Variants in NALCN observed in about 807,000 individuals in gnomAD.
The protein encoded by NALCN is sodium leak channel, non-selective.
A neutral mutation model predicts 225.3 loss-of-function variants in NALCN; 111 were observed. That is an observed-to-expected ratio of 0.49 (90% CI 0.42 to 0.58). The LOEUF is 0.58. Ranked by LOEUF, NALCN falls within the 20% of genes least tolerant of loss-of-function variation. NALCN has a pLI of 0.00. For synonymous variants in NALCN, 764 were observed against 769.0 expected, an observed-to-expected ratio of 0.99 and a Z score of 0.11; for missense variants, 1,378 against 2,202.4, an observed-to-expected ratio of 0.63 and a Z score of 7.49.
chr13:101,344,201 G>T (rs1187551570), intron 7 of NALCN, among the ~76,000 whole-genome samples: 2 of 152,138 alleles, frequency 1.3e-5, no homozygotes, highest in Admixed American at 6.6e-5. Flanking sequence ...CAGAGGGAAG[G>T]ATTTAAGACT....
At chr13:101,279,969 C>T (rs1371436351) in intron 10 of NALCN, among the ~76,000 whole-genome samples, 2 of 151,894 alleles carry the variant, frequency 1.3e-5, no homozygotes, top group African/African-American at 4.8e-5. Flanking sequence ...GAAAGTTTTC[C>T]TGTTACCCAG....
rs1566758711 is a variant in NALCN at position 101,053,817 on chromosome 13, A to AAAAGT, written c.*1473_*1477dup. 6.6e-6 allele frequency: 1 copy of AAAAGT among 152,180 alleles called. No homozygotes were observed. The highest frequency in any genetic ancestry group is 1.5e-5 in the Non-Finnish European group (1 of 68,030). The allele number at this position is 152,180 out of a possible 1,614,324, so 9.4% of individuals were successfully genotyped here. A position where few individuals can be genotyped will look rare whatever the true frequency, so the allele number is the denominator to read the frequency against. On this transcript the variant is annotated 3_prime_UTR_variant, in exon 44 of 44. Transcript: ENST00000251127. ...ATATTTATTTTATCTTGTATGTACA[A>AAAAGT]AAAGTAAACTCCAAGTGAACATCAA...
At chr13:101,414,649 A>G (rs770510575) in intron 1 of NALCN, among the ~76,000 whole-genome samples, 1 of 152,226 alleles carries the variant, frequency 6.6e-6, no homozygotes, top group Non-Finnish European at 1.5e-5. Flanking sequence ...CAACTAAATG[A>G]CACTATTTTG....
rs773945071 is a variant in NALCN at position 101,095,560 on chromosome 13, T to A, written c.3269+14A>T. Reference sequence around the variant, plus strand: ...CACACCATTCTTCAGAATATTTTTTTATGATATACTTACCAAACACGGGGC... The same window carrying A: ...CACACCATTCTTCAGAATATTTTTTAATGATATACTTACCAAACACGGGGC... On this transcript the variant is annotated intron_variant, in intron 28 of 43. Coordinates refer to ENST00000251127, the MANE Select transcript of NALCN (RefSeq NM_052867.4). 1 of 1,592,024 alleles carries A rather than the reference T, an allele frequency of 6.3e-7. No homozygotes were observed. Among genetic ancestry groups the A allele is most frequent in the Non-Finnish European group, 8.6e-7 (1 of 1,164,508 alleles).
At chr13:101,071,431 G>T (rs1299645662) in intron 37 of NALCN, among the ~76,000 whole-genome samples, 1 of 152,158 alleles carries the variant, frequency 6.6e-6, no homozygotes, top group Non-Finnish European at 1.5e-5. Context: ...TAGATAACTT[G>T]CCACAGCTTT....
intron 7 of NALCN, among the ~76,000 whole-genome samples, chr13:101,318,254 T>G (rs1480201066): frequency 1.3e-5 from 2 of 151,862 alleles, no homozygotes; most frequent in African/African-American, 4.8e-5. Flanking sequence ...TTGAGCCAGG[T>G]GGGGAGCAGT....
chr13:101,105,827 C>A (rs578006969), intron 22 of NALCN, among the ~76,000 whole-genome samples: 66 of 152,236 alleles, frequency 4.3e-4, no homozygotes, highest in African/African-American at 1.5e-3. Context: ...GGTCCCTGAG[C>A]AAAGCCCTCA....
intron 28 of NALCN, among the ~76,000 whole-genome samples, chr13:101,091,695 CCA>C (rs1295978171): frequency 6.6e-6 from 1 of 152,124 alleles, no homozygotes. Context: ...TCTACAGATG[CCA>C]CAGTTTGCTT....
intron 7 of NALCN, among the ~76,000 whole-genome samples, chr13:101,321,854 C>A (rs1022201942): frequency 6.6e-6 from 1 of 151,984 alleles, no homozygotes; most frequent in Non-Finnish European, 1.5e-5. Context: ...CTTGGAGATA[C>A]CGGAGAGAGG....
intron 39 of NALCN, among the ~76,000 whole-genome samples, 186 bp downstream of exon 39, chr13:101,067,732 G>A (rs1223365354): frequency 6.6e-6 from 1 of 152,214 alleles, no homozygotes; most frequent in East Asian, 1.9e-4. Context: ...TGAAGATCAT[G>A]TAAGGAGGAA....
rs2037269103 is a variant in NALCN, at chr13:101,144,905, A to G, written c.1840-9T>C. 6.3e-7 allele frequency: 1 copy of G among 1,597,038 alleles called. No homozygotes were observed. Among genetic ancestry groups the G allele is most frequent in the Non-Finnish European group, 8.5e-7 (1 of 1,175,840 alleles). On this transcript the variant is annotated splice_polypyrimidine_tract_variant and intron_variant, in intron 15 of 43. Coordinates refer to ENST00000251127, the MANE Select transcript of NALCN (RefSeq NM_052867.4). ...GCTTCACTTTGCTTTAACTAAAGAA[A>G]AATTGGAAAGAAGAAAAAAAGGGGG...
chr13:101,075,030 A>G (rs531023293), intron 35 of NALCN, among the ~76,000 whole-genome samples: 222 of 152,322 alleles, frequency 1.5e-3, no homozygotes, highest in African/African-American at 5.2e-3. Flanking sequence ...ACTGACAGCA[A>G]GTAAACTCAG....
chr13:101,120,478 T>C (rs923538242), intron 18 of NALCN, among the ~76,000 whole-genome samples: 1 of 151,538 alleles, frequency 6.6e-6, no homozygotes, highest in African/African-American at 2.4e-5. Context: ...TTCATTAGGA[T>C]TTTTTGTGAA....
chr13:101,164,525 A>G (rs1323891239), intron 15 of NALCN, among the ~76,000 whole-genome samples: 2 of 152,120 alleles, frequency 1.3e-5, no homozygotes, highest in African/African-American at 4.8e-5. Flanking sequence ...TACTGGGCTC[A>G]AGCGATCCTC....
At chr13:101,087,941 A>C (rs7319968) in intron 30 of NALCN, among the ~76,000 whole-genome samples, 30,148 of 152,122 alleles carry the variant, frequency 0.2, 3,263 homozygotes, top group Non-Finnish European at 0.24. Context: ...TTGACTGATT[A>C]GCTTCTGCTT....
intron 15 of NALCN, among the ~76,000 whole-genome samples, chr13:101,172,716 C>T (rs193022173): frequency 1.1e-3 from 169 of 150,930 alleles, no homozygotes; most frequent in African/African-American, 3.9e-3. Context: ...CCCGCCACCA[C>T]GCGCAGCTAA....
intron 13 of NALCN, among the ~76,000 whole-genome samples, chr13:101,221,521 G>C (rs184516848): frequency 6.6e-6 from 1 of 152,112 alleles, no homozygotes; most frequent in Non-Finnish European, 1.5e-5. Context: ...CATCTGGACT[G>C]TCCTCCCCTG....
intron 11 of NALCN, among the ~76,000 whole-genome samples, chr13:101,248,719 A>T (rs1220574580): frequency 6.6e-6 from 1 of 152,204 alleles, no homozygotes; most frequent in East Asian, 1.9e-4. Context: ...AGCAAGTTTC[A>T]CATGTAGGAC....
chr13:101,369,438 G>A (rs998242397), intron 6 of NALCN, among the ~76,000 whole-genome samples: 18 of 152,190 alleles, frequency 1.2e-4, no homozygotes, highest in African/African-American at 3.4e-4. Context: ...AACTAGCAAA[G>A]AATACTTACT....
Sources: gnomAD v4.1 joint callset for allele counts (sites outside exome capture counted in the v4.1 genomes callset) on GRCh38, gnomAD v4.1.1 for gene constraint, MANE v1.5 for transcripts, NCBI Gene and HGNC (gene_info 2026-07-23, HGNC 2026-07-21) for gene names.